Variants in DCC observed in about 807,000 individuals in gnomAD.
DCC encodes the protein netrin receptor DCC.
In DCC, 58 loss-of-function variants were observed where a neutral mutation model predicts 172.5. The observed-to-expected ratio is 0.34, with a 90% CI of 0.27 to 0.42. DCC has a LOEUF of 0.42. Ranked by LOEUF, DCC falls within the 10% of genes least tolerant of loss-of-function variation. The pLI, the probability that DCC is intolerant of heterozygous loss-of-function variation, is 1.00. For missense variants in DCC, 1,740 were observed against 1,791.0 expected, an observed-to-expected ratio of 0.97 and a Z score of 0.51; for synonymous variants, 709 against 644.5, an observed-to-expected ratio of 1.10 and a Z score of -1.52.
At chr18:52,559,100 T>TTTTTG (rs375523084) in intron 1 of DCC, among the ~76,000 whole-genome samples, 71 of 152,160 alleles carry the variant, frequency 4.7e-4, no homozygotes, top group African/African-American at 7.0e-4. Context: ...AAGACAGGTT[T>TTTTTG]TTTTGTTTTG....
chr18:53,408,346 A>T (rs1458496525), intron 19 of DCC, among the ~76,000 whole-genome samples: 5 of 151,988 alleles, frequency 3.3e-5, no homozygotes, highest in African/African-American at 9.7e-5. Flanking sequence ...CTGAGGTCTC[A>T]TCTTTGGTTT....
intron 1 of DCC, among the ~76,000 whole-genome samples, chr18:52,394,369 G>A (rs1274162841): frequency 6.6e-6 from 1 of 151,890 alleles, no homozygotes; most frequent in Non-Finnish European, 1.5e-5. Flanking sequence ...TGGGCTCAAG[G>A]GATTCTCCCA....
chr18:53,086,484 CTTCT>C (rs1309812477), intron 7 of DCC, among the ~76,000 whole-genome samples: 8 of 43,936 alleles, frequency 1.8e-4, no homozygotes, highest in Non-Finnish European at 2.8e-4. Flanking sequence ...CTTTCTTCTT[CTTCT>C]TTCTTCTTCT....
At chr18:52,914,511 C>T (rs758522394) in intron 3 of DCC, among the ~76,000 whole-genome samples, 5 of 150,400 alleles carry the variant, frequency 3.3e-5, no homozygotes, top group African/African-American at 9.8e-5. Flanking sequence ...ATAATAGCTC[C>T]GGAGAAATGG....
intron 23 of DCC, among the ~76,000 whole-genome samples, chr18:53,455,463 G>GA (rs1159056102): frequency 2.0e-5 from 3 of 151,458 alleles, no homozygotes; most frequent in East Asian, 1.9e-4. Context: ...AAGTGAAAAG[G>GA]AAAAAAAACT....
intron 1 of DCC, among the ~76,000 whole-genome samples, chr18:52,485,578 C>A (rs1432738138): frequency 2.0e-5 from 3 of 152,100 alleles, no homozygotes; most frequent in African/African-American, 7.2e-5. Context: ...TATCCACTCC[C>A]CACCCCAATT....
chr18:52,815,438 G>A (rs1033945129), intron 2 of DCC, among the ~76,000 whole-genome samples: 27 of 139,204 alleles, frequency 1.9e-4, no homozygotes, highest in African/African-American at 6.3e-4. Flanking sequence ...ACACACACAC[G>A]TTCTCTCTCC....
chr18:53,349,226 A>C (rs2057759961), intron 15 of DCC, among the ~76,000 whole-genome samples: 1 of 152,210 alleles, frequency 6.6e-6, no homozygotes, highest in South Asian at 2.1e-4. Context: ...GGGCAGGGGC[A>C]GATGCCACCA....
At chr18:52,899,082 G>A (rs984890838) in intron 2 of DCC, among the ~76,000 whole-genome samples, 1 of 152,074 alleles carries the variant, frequency 6.6e-6, no homozygotes, top group Non-Finnish European at 1.5e-5. Context: ...CAAATGAAAG[G>A]ATTTATTAGT....
chr18:52,847,839 GC>G (rs1211866788), intron 2 of DCC, among the ~76,000 whole-genome samples: 9 of 152,150 alleles, frequency 5.9e-5, no homozygotes, highest in African/African-American at 2.2e-4. Flanking sequence ...GGATTTATTA[GC>G]CTTGTAACTT....
intron 12 of DCC, among the ~76,000 whole-genome samples, chr18:53,263,297 G>T (rs2056627794): frequency 6.6e-6 from 1 of 151,996 alleles, no homozygotes; most frequent in Non-Finnish European, 1.5e-5. Flanking sequence ...GATTACAGGT[G>T]CCTGCCACCA....
intron 1 of DCC, among the ~76,000 whole-genome samples, chr18:52,623,141 G>A (rs553509443): frequency 6.6e-6 from 1 of 152,234 alleles, no homozygotes; most frequent in East Asian, 1.9e-4. Context: ...TGGCTGCAGC[G>A]GCAGAGTTGA....
At chr18:52,463,926 G>A (rs1011084447) in intron 1 of DCC, among the ~76,000 whole-genome samples, 1 of 152,190 alleles carries the variant, frequency 6.6e-6, no homozygotes, top group African/African-American at 2.4e-5. Flanking sequence ...CTTTGGAAGA[G>A]TGCCTGACAA....
intron 1 of DCC, among the ~76,000 whole-genome samples, chr18:52,451,803 C>A (rs546485437): frequency 6.6e-6 from 1 of 152,128 alleles, no homozygotes; most frequent in East Asian, 1.9e-4. Context: ...TCCCTGGTGT[C>A]TTGGTTTATG....
chr18:52,874,974 G>T (rs186452060), intron 2 of DCC, among the ~76,000 whole-genome samples: 57 of 152,104 alleles, frequency 3.7e-4, no homozygotes, highest in Middle Eastern at 6.8e-3. Flanking sequence ...GCTGTGGGGC[G>T]GTTCCTGATT....
At chr18:53,313,246 G>GTTA (rs2057303855) in intron 13 of DCC, among the ~76,000 whole-genome samples, 1 of 151,796 alleles carries the variant, frequency 6.6e-6, no homozygotes, top group Non-Finnish European at 1.5e-5. Flanking sequence ...ATTTATTATT[G>GTTA]TTATTATTAT....
At chr18:53,049,073 G>A (rs2042298839) in intron 5 of DCC, among the ~76,000 whole-genome samples, 1 of 151,784 alleles carries the variant, frequency 6.6e-6, no homozygotes, top group Admixed American at 6.6e-5. Flanking sequence ...TATAGATTCT[G>A]GATATTATGC....
chr18:52,448,481 G>A (rs1255122930), intron 1 of DCC, among the ~76,000 whole-genome samples: 1 of 152,010 alleles, frequency 6.6e-6, no homozygotes. Flanking sequence ...TTAATTATTG[G>A]CTAAGCATTT....
intron 1 of DCC, among the ~76,000 whole-genome samples, chr18:52,366,755 G>A (rs562550717): frequency 6.6e-6 from 1 of 152,250 alleles, no homozygotes; most frequent in African/African-American, 2.4e-5. Context: ...CTAAACACAG[G>A]GTGCTGATTG....
Sources: gnomAD v4.1 joint callset for allele counts (sites outside exome capture counted in the v4.1 genomes callset) on GRCh38, gnomAD v4.1.1 for gene constraint, MANE v1.5 for transcripts, NCBI Gene and HGNC (gene_info 2026-07-23, HGNC 2026-07-21) for gene names.